ZNF81: variants seen among roughly 807,000 people sequenced by gnomAD.
ZNF81 encodes zinc finger protein 81 (HFZ20).
ZNF81 carries 5 observed loss-of-function variants against 32.3 expected under a neutral mutation model. The observed-to-expected ratio is 0.15, with a 90% CI of 0.08 to 0.33. ZNF81 has a LOEUF of 0.33. ZNF81 is among the 10% of genes least tolerant of loss of function. The pLI, the probability that ZNF81 is intolerant of heterozygous loss-of-function variation, is 1.00. For synonymous variants in ZNF81, 163 were observed against 166.8 expected, an observed-to-expected ratio of 0.98 and a Z score of 0.17; for missense variants, 379 against 479.8, an observed-to-expected ratio of 0.79 and a Z score of 1.96.
intron 4 of ZNF81, among the ~76,000 whole-genome samples, chrX:47,904,106 C>T (rs1476366759): frequency 1.6e-4 from 18 of 111,928 alleles, no homozygotes; most frequent in African/African-American, 5.9e-4. Flanking sequence ...ACCATAAAAT[C>T]CCTAGAAGAA....
chrX:47,905,603 A>C (rs1235831190), intron 4 of ZNF81, among the ~76,000 whole-genome samples: 1 of 110,065 alleles, frequency 9.1e-6, no homozygotes, highest in African/African-American at 3.3e-5. Flanking sequence ...AACCCTAGCC[A>C]TCTTCCAGGA....
chrX:47,911,631 T>C (rs782732638), intron 4 of ZNF81, among the ~76,000 whole-genome samples: 164 of 111,795 alleles, frequency 1.5e-3, no homozygotes, highest in Non-Finnish European at 2.4e-3. Flanking sequence ...CTGAGAGGAA[T>C]TCAACGAAGA....
chrX:47,850,968 A>T (rs2058493662), intron 2 of ZNF81, among the ~76,000 whole-genome samples: 1 of 106,497 alleles, frequency 9.4e-6, no homozygotes. Context: ...TTTAAACTGA[A>T]ATATTAGCAT....
In ZNF81 at chrX:47,918,959, G is replaced by A. The variant is rs2058766732; in HGVS notation, c.*2327G>A. ...TATCCCACCATTGTATATATTGGGT[G>A]TATGTTGGGGGGCATGTAACTTGTC... On this transcript the variant is annotated 3_prime_UTR_variant, in exon 5 of 5. Coordinates refer to ENST00000338637, the MANE Select transcript of ZNF81 (RefSeq NM_007137.5). The A allele has an allele frequency of 3.2e-5, 8 of 252,987 alleles. No homozygotes were observed. The highest frequency in any genetic ancestry group is 2.8e-4 in the South Asian group (7 of 25,429). 20.8% of individuals were successfully genotyped at this position (252,987 alleles called of 1,213,427 possible).
At chrX:47,890,842 A>G in intron 3 of ZNF81, among the ~76,000 whole-genome samples, 1 of 112,042 alleles carries the variant, frequency 8.9e-6, no homozygotes, top group Non-Finnish European at 1.9e-5. Flanking sequence ...TTCACCTTAG[A>G]AGGGATATCT....
chrX:47,854,217 C>T (rs2058506944), intron 2 of ZNF81, among the ~76,000 whole-genome samples: 1 of 112,569 alleles, frequency 8.9e-6, no homozygotes, highest in South Asian at 3.7e-4. Flanking sequence ...AGCTTCCTCA[C>T]CTCTCTCAAG....
At chrX:47,852,461 C>G (rs5905633) in intron 2 of ZNF81, among the ~76,000 whole-genome samples, 48,147 of 110,934 alleles carry the variant, frequency 0.43, 7,812 homozygotes, top group East Asian at 0.61. Flanking sequence ...CAAACCCTGC[C>G]CCTGCTTTCT....
At chrX:47,873,036 G>A (rs1556884096) in intron 2 of ZNF81, among the ~76,000 whole-genome samples, 1 of 111,630 alleles carries the variant, frequency 9.0e-6, no homozygotes, top group African/African-American at 3.3e-5. Flanking sequence ...ACCAGATCAG[G>A]TGCCTTTTCC....
chrX:47,897,108 G>A (rs1398525189), intron 4 of ZNF81, among the ~76,000 whole-genome samples: 1 of 111,904 alleles, frequency 8.9e-6, no homozygotes, highest in East Asian at 2.8e-4. Flanking sequence ...GAACTGCTAG[G>A]TCATGTAATA....
intron 3 of ZNF81, among the ~76,000 whole-genome samples, chrX:47,890,309 T>C (rs1330144314): frequency 1.8e-5 from 2 of 111,375 alleles, no homozygotes; most frequent in Admixed American, 1.9e-4. Context: ...GGGGCAGAGG[T>C]TTAGCACTGG....
chrX:47,897,064 G>A (rs1370566239), intron 4 of ZNF81, among the ~76,000 whole-genome samples: 3 of 111,795 alleles, frequency 2.7e-5, no homozygotes, highest in East Asian at 2.8e-4. Flanking sequence ...GTGAACATAC[G>A]TTTACATTTT....
intron 2 of ZNF81, among the ~76,000 whole-genome samples, chrX:47,887,454 A>G (rs1472971083): frequency 1.8e-5 from 2 of 111,938 alleles, no homozygotes; most frequent in African/African-American, 6.5e-5. Flanking sequence ...ACAGCCATCA[A>G]TAGCCAAATA....
intron 4 of ZNF81, among the ~76,000 whole-genome samples, chrX:47,905,098 G>A (rs1284281851): frequency 1.8e-4 from 20 of 109,763 alleles, no homozygotes; most frequent in Non-Finnish European, 2.8e-4. Context: ...AGCATTAGCC[G>A]ATATACCTAA....
At chrX:47,905,409 TAAAAAAA>T (rs782351301) in intron 4 of ZNF81, among the ~76,000 whole-genome samples, 1 of 29,468 alleles carries the variant, frequency 3.4e-5, no homozygotes, top group Admixed American at 4.4e-4. Flanking sequence ...AGACTCCATC[TAAAAAAA>T]AAAAAAAAAA....
At chrX:47,846,370 T>G in intron 2 of ZNF81, 49 bp downstream of exon 2, 1 of 1,172,134 alleles carries the variant, frequency 8.5e-7, no homozygotes, top group Non-Finnish European at 1.2e-6. Context: ...TCCACAGCCC[T>G]GAAGGAAAGA....
intron 3 of ZNF81, among the ~76,000 whole-genome samples, chrX:47,894,278 G>C (rs953141403): frequency 9.0e-6 from 1 of 111,300 alleles, no homozygotes; most frequent in Non-Finnish European, 1.9e-5. Flanking sequence ...CAAATATTAC[G>C]TGGGGGATAG....
chrX:47,843,038 A>G (rs2148002900), intron 1 of ZNF81, among the ~76,000 whole-genome samples: 1 of 112,427 alleles, frequency 8.9e-6, no homozygotes, highest in African/African-American at 3.2e-5. Flanking sequence ...TTCTGCAATA[A>G]CTGCTTTAAA....
At chrX:47,885,844 A>G (rs1323034394) in intron 2 of ZNF81, among the ~76,000 whole-genome samples, 10 of 111,894 alleles carry the variant, frequency 8.9e-5, no homozygotes, top group African/African-American at 2.6e-4. Context: ...GACAACAAAC[A>G]TTGAAACCAT....
At chrX:47,878,930 T>C (rs1169717302) in intron 2 of ZNF81, among the ~76,000 whole-genome samples, 1 of 111,690 alleles carries the variant, frequency 9.0e-6, no homozygotes, top group Non-Finnish European at 1.9e-5. Context: ...TTCTTTGCCC[T>C]TTCCAGCCTC....
Sources: allele counts gnomAD v4.1 joint callset (sites outside exome capture counted in the v4.1 genomes callset), GRCh38; gene constraint gnomAD v4.1.1; transcripts MANE v1.5; gene names NCBI Gene and HGNC (gene_info 2026-07-23, HGNC 2026-07-21).